MED14: variants seen among roughly 807,000 people sequenced by gnomAD.
MED14 encodes mediator complex subunit 14, also known as mediator of RNA polymerase II transcription subunit 14.
A neutral mutation model predicts 109.0 loss-of-function variants in MED14; 8 were observed. The ratio of observed to expected loss-of-function variants is 0.07; its 90% CI spans 0.04 to 0.13. The LOEUF (loss-of-function observed/expected upper bound fraction) is 0.13. MED14 is among the 10% of genes least tolerant of loss of function. MED14 has a pLI of 1.00. For synonymous variants in MED14, 399 were observed against 408.7 expected (o/e 0.98, Z 0.29); for missense variants, 711 against 1,142.4 (o/e 0.62, Z 5.44).
intron 23 of MED14, among the ~76,000 whole-genome samples, chrX:40,668,806 T>C (rs1199067464): frequency 8.9e-6 from 1 of 111,897 alleles, no homozygotes; most frequent in Non-Finnish European, 1.9e-5. Context: ...CTCTTAGCAG[T>C]AGATTGTAAT....
chrX:40,727,684 A>T (rs1931937068), intron 2 of MED14, among the ~76,000 whole-genome samples: 2 of 111,552 alleles, frequency 1.8e-5, no homozygotes, highest in Non-Finnish European at 1.9e-5. Context: ...TGAAAAAAAT[A>T]TTCAACAAGC....
intron 2 of MED14, 108 bp from the exon 3 acceptor site, chrX:40,726,959 A>C: frequency 1.6e-6 from 1 of 644,016 alleles, no homozygotes; most frequent in Non-Finnish European, 2.3e-6. Flanking sequence ...CTTTGCTTAC[A>C]ACCACTACAA....
At chrX:40,715,294 C>T (rs1186218397) in intron 3 of MED14, among the ~76,000 whole-genome samples, 1 of 111,413 alleles carries the variant, frequency 9.0e-6, no homozygotes, top group Non-Finnish European at 1.9e-5. Flanking sequence ...AAAAAAGCAC[C>T]AAGAACATAC....
intron 10 of MED14, among the ~76,000 whole-genome samples, chrX:40,705,362 T>A (rs1931098845): frequency 8.9e-6 from 1 of 112,016 alleles, no homozygotes; most frequent in Admixed American, 9.5e-5. Context: ...AATTTCAATC[T>A]AATTACCACA....
Position 40,650,348 on chromosome X carries a change from T to A in MED14, c.*1458A>T. On this transcript the variant is annotated 3_prime_UTR_variant, in exon 31 of 31. Transcript: ENST00000324817. ...AATCAAACAAAGTTGAGAACAGATA[T>A]GATATAGGTACAGTGAGATACTTGA... 4.0e-6 allele frequency: 3 copies of A among 752,637 alleles called. No individual in the cohort carries two copies. The highest frequency in any genetic ancestry group is 3.1e-6 in the Non-Finnish European group (2 of 637,889). The allele number at this position is 752,637 out of a possible 1,213,427, so 62.0% of individuals were successfully genotyped here. A position where few individuals can be genotyped will look rare whatever the true frequency, so the allele number is the denominator to read the frequency against.
chrX:40,654,587 A>AAAAACATCAT (rs1199718080), intron 29 of MED14, 31 bp from the exon 30 acceptor site: 1 of 1,162,904 alleles, frequency 8.6e-7, no homozygotes, highest in Non-Finnish European at 1.2e-6. Context: ...CAAAGAGAAT[A>AAAAACATCAT]AAAACATCAT....
chrX:40,735,710 G>T (rs1169582008), upstream of MED14: 1 of 450,173 alleles, frequency 2.2e-6, no homozygotes, highest in Non-Finnish European at 4.1e-6. Context: ...TCGCCAGACA[G>T]CCGCAACGTA....
In MED14 at chrX:40,649,606, C is replaced by T; in HGVS notation, c.*2200G>A. ...AATACTAAAATCACATTGAAAACACCTTAAAGTTAAGTCCCAACCCGATTA... is the reference window on the plus strand; with the variant it reads ...AATACTAAAATCACATTGAAAACACTTTAAAGTTAAGTCCCAACCCGATTA... On this transcript the variant is annotated 3_prime_UTR_variant, in exon 31 of 31. Coordinates refer to ENST00000324817, the MANE Select transcript of MED14 (RefSeq NM_004229.4). The T allele has an allele frequency of 1.1e-6, 1 of 940,283 alleles. No homozygotes were observed. Among genetic ancestry groups the T allele is most frequent in the Non-Finnish European group, 1.4e-6 (1 of 739,111 alleles). 77.5% of individuals were successfully genotyped at this position (940,283 alleles called of 1,213,427 possible).
At chrX:40,734,088 C>T (rs1440817451) in intron 1 of MED14, among the ~76,000 whole-genome samples, 1 of 111,298 alleles carries the variant, frequency 9.0e-6, no homozygotes, top group African/African-American at 3.3e-5. Flanking sequence ...TTTTTTTTCC[C>T]ACAGCTCTAT....
intron 21 of MED14, among the ~76,000 whole-genome samples, chrX:40,676,845 C>T (rs143460398): frequency 0.017 from 1,930 of 111,981 alleles, 22 homozygotes; most frequent in South Asian, 0.031. Context: ...CCTGAGGCCT[C>T]CTAGCCGTTC....
At position 40,707,684 on chromosome X, in the gene MED14, C is replaced by T. The variant is rs193234686; in HGVS notation, c.1285+1664G>A. ...ATGTAAGAGACCACACATTATGATT[C>T]CATTTATATGAAATGTCCAAATAGG... is the stretch of plus-strand genomic sequence containing the variant. On this transcript the variant is annotated intron_variant, in intron 10 of 30. Coordinates refer to ENST00000324817, the MANE Select transcript of MED14 (RefSeq NM_004229.4). Among the ~76,000 whole-genome samples the T allele has an allele frequency of 4.1e-3, 457 of 111,933 alleles. 5 individuals carry two copies. The highest frequency in any genetic ancestry group is 0.014 in the African/African-American group (439 of 30,817).
At chrX:40,661,863 C>CATTT (rs1260223483) in intron 26 of MED14, among the ~76,000 whole-genome samples, 5 of 109,516 alleles carry the variant, frequency 4.6e-5, no homozygotes, top group Non-Finnish European at 9.5e-5. Flanking sequence ...TTCAATTGTT[C>CATTT]ATTTATTTAT....
At chrX:40,700,016 GCA>G (rs202146638) in intron 12 of MED14, among the ~76,000 whole-genome samples, 2,383 of 110,416 alleles carry the variant, frequency 0.022, 67 homozygotes, top group African/African-American at 0.075. Context: ...TGGCATGGTG[GCA>G]CACACCTGTA....
intron 23 of MED14, among the ~76,000 whole-genome samples, chrX:40,669,576 C>T (rs765771403): frequency 8.9e-6 from 1 of 112,306 alleles, no homozygotes; most frequent in Admixed American, 9.4e-5. Flanking sequence ...ACTCCCCCCT[C>T]CTTTCTCTGT....
At chrX:40,721,881 TC>T (rs774306478) in intron 3 of MED14, among the ~76,000 whole-genome samples, 2 of 112,332 alleles carry the variant, frequency 1.8e-5, no homozygotes, top group Non-Finnish European at 3.8e-5. Flanking sequence ...AGAGAAATCT[TC>T]CAGATCTTAT....
At chrX:40,703,906 T>C (rs1224172840) in intron 10 of MED14, among the ~76,000 whole-genome samples, 1 of 112,419 alleles carries the variant, frequency 8.9e-6, no homozygotes, top group African/African-American at 3.2e-5. Flanking sequence ...TAATTACTAA[T>C]AAGCTAATTA....
chrX:40,660,006 C>T (rs891510624), intron 26 of MED14, among the ~76,000 whole-genome samples: 5 of 112,087 alleles, frequency 4.5e-5, no homozygotes, highest in African/African-American at 1.6e-4. Context: ...CTTAGAAAAA[C>T]TTATTTCGGT....
Position 40,649,643 on chromosome X carries a change from C to G in MED14, c.*2163G>C. ...TCCCAACCCGATTATTAGAGAAAATCACTTGGGCATCCAGTCCCCTTGATC... is the reference window on the plus strand; with the variant it reads ...TCCCAACCCGATTATTAGAGAAAATGACTTGGGCATCCAGTCCCCTTGATC... On this transcript the variant is annotated 3_prime_UTR_variant, in exon 31 of 31. Coordinates refer to ENST00000324817, the MANE Select transcript of MED14 (RefSeq NM_004229.4). The G allele has an allele frequency of 1.1e-6, 1 of 938,974 alleles. No individual in the cohort carries two copies. Among genetic ancestry groups the G allele is most frequent in the Non-Finnish European group, 1.4e-6 (1 of 739,173 alleles). 77.4% of individuals were successfully genotyped at this position (938,974 alleles called of 1,213,427 possible).
At chrX:40,735,931 G>A (rs1932256957), upstream of MED14, 2 of 251,299 alleles carry the variant, frequency 8.0e-6, no homozygotes, top group South Asian at 7.1e-5. Flanking sequence ...AGCCGGAGTC[G>A]TCACCGGGAA....
Sources: gnomAD v4.1 joint callset for allele counts (sites outside exome capture counted in the v4.1 genomes callset) on GRCh38, gnomAD v4.1.1 for gene constraint, MANE v1.5 for transcripts, NCBI Gene and HGNC (gene_info 2026-07-23, HGNC 2026-07-21) for gene names.